The following GTF3C3 variants were observed in gnomAD, a reference collection of about 807,000 sequenced individuals.
GTF3C3 encodes the protein general transcription factor 3C polypeptide 3.
Under a neutral mutation model 105.2 loss-of-function variants are expected in GTF3C3, and 75 were observed. That is an observed-to-expected ratio of 0.71 (90% CI 0.59 to 0.86). The LOEUF is 0.86. Ranked by LOEUF, GTF3C3 falls within the 40% of genes least tolerant of loss-of-function variation. The pLI, the probability that GTF3C3 is intolerant of heterozygous loss-of-function variation, is 0.00. For synonymous variants in GTF3C3, 335 were observed against 370.4 expected, an observed-to-expected ratio of 0.90 and a Z score of 1.10; for missense variants, 856 against 1,076.5, an observed-to-expected ratio of 0.80 and a Z score of 2.87.
chr2:196,768,430 C>T (rs191325886), intron 16 of GTF3C3, among the ~76,000 whole-genome samples: 83 of 151,956 alleles, frequency 5.5e-4, no homozygotes, highest in African/African-American at 1.9e-3. Context: ...ACTGTCTATA[C>T]AATATTAAAT....
At chr2:196,781,342 G>GAAAAAAAAAAAAAAAAAAAAAAAAAA (rs769914255) in intron 8 of GTF3C3, among the ~76,000 whole-genome samples, 1 of 31,454 alleles carries the variant, frequency 3.2e-5, no homozygotes, top group African/African-American at 1.2e-4. Flanking sequence ...ATGTTAAGGG[G>GAAAAAAAAAAAAAAAAAAAAAAAAAA]AAAAAAAAAA....
chr2:196,787,258 CT>C (rs1432112265), intron 6 of GTF3C3, among the ~76,000 whole-genome samples: 1 of 152,134 alleles, frequency 6.6e-6, no homozygotes, highest in East Asian at 1.9e-4. Flanking sequence ...CCTAACTGGT[CT>C]CCATGCTTCT....
At chr2:196,772,873 C>A (rs765639100) in intron 14 of GTF3C3, 43 bp downstream of exon 14, 1 of 981,596 alleles carries the variant, frequency 1.0e-6, no homozygotes, top group Non-Finnish European at 1.5e-6. Context: ...CATGTACTTA[C>A]TCTATTAAAG....
intron 16 of GTF3C3, among the ~76,000 whole-genome samples, chr2:196,768,175 A>G (rs1403451965): frequency 1.3e-5 from 2 of 151,844 alleles, no homozygotes; most frequent in Non-Finnish European, 2.9e-5. Context: ...ACGCCACCAC[A>G]CCTGGCTCAT....
At position 196,776,163 on chromosome 2, in the gene GTF3C3, A is replaced by G; in HGVS notation, c.1594-52T>C. The G allele has an allele frequency of 1.0e-6, 1 of 995,648 alleles. No homozygotes were observed. The highest frequency in any genetic ancestry group is 1.5e-6 in the Non-Finnish European group (1 of 656,810). 61.7% of individuals were successfully genotyped at this position (995,648 alleles called of 1,614,324 possible). Reference sequence around the variant, plus strand: ...GCCTAACAAGATTCCTTTTCTACAAATTGTTTTATTTGCATAGAAACATTT... The same window carrying G: ...GCCTAACAAGATTCCTTTTCTACAAGTTGTTTTATTTGCATAGAAACATTT... On this transcript the variant is annotated intron_variant, in intron 11 of 17. Transcript: ENST00000263956. The surrounding 1 kb of genome is among the most constrained non-coding windows in gnomAD (Gnocchi z 4.5).
At chr2:196,782,574 T>C (rs776274924) in intron 8 of GTF3C3, among the ~76,000 whole-genome samples, 23 of 152,030 alleles carry the variant, frequency 1.5e-4, no homozygotes, top group Non-Finnish European at 2.4e-4. Context: ...AATCAAGTGA[T>C]TCAGGAAAGC....
intron 14 of GTF3C3, 59 bp downstream of exon 14, chr2:196,772,857 A>G: frequency 2.4e-6 from 2 of 843,290 alleles, no homozygotes; most frequent in Admixed American, 2.6e-5. Context: ...CTTCTAAATC[A>G]AAGTACATGT....
rs200069628 is a variant in GTF3C3, at chr2:196,791,464, T to C, written c.412-4A>G. On this transcript the variant is annotated splice_region_variant and splice_polypyrimidine_tract_variant and intron_variant, in intron 3 of 17. Coordinates refer to ENST00000263956, the MANE Select transcript of GTF3C3 (RefSeq NM_012086.5). The stretch of plus-strand genomic sequence containing the variant: ...GTTTACTCCGAGGCCTTTTCTCCTG[T>C]ATGGAAGAAAAATGACATTTAGATT... The C allele has an allele frequency of 1.4e-3, 2,187 of 1,607,688 alleles. 4 individuals are homozygous for C. The highest frequency in any genetic ancestry group is 1.7e-3 in the Non-Finnish European group (1,955 of 1,176,696).
intron 1 of GTF3C3, chr2:196,799,208 A>G (rs1484351266): frequency 1.4e-5 from 4 of 285,802 alleles, no homozygotes; most frequent in Non-Finnish European, 2.7e-5. Flanking sequence ...AACTGACTCC[A>G]AACTCTTCTC....
At position 196,772,936 on chromosome 2, in the gene GTF3C3, T is replaced by C. The variant is rs768372208; in HGVS notation, c.2049A>G (p.Arg683=). 1 of 1,564,222 alleles carries C rather than the reference T, an allele frequency of 6.4e-7. No individual in the cohort carries two copies. The highest frequency in any genetic ancestry group is 8.7e-7 in the Non-Finnish European group (1 of 1,152,486). Residue 683 remains arginine (R), a synonymous_variant, in exon 14 of 18, where the codon AGA becomes AGG. Coordinates refer to ENST00000263956, the MANE Select transcript of GTF3C3 (RefSeq NM_012086.5). ...LSAAILDKNF[R]KAYNYIRIMV... ...ATCACCTGATATAGTTGTATGCCTTTCTGAAATTTTTGTCCAGAATTGCAG... is the reference window on the plus strand; with the variant it reads ...ATCACCTGATATAGTTGTATGCCTTCCTGAAATTTTTGTCCAGAATTGCAG...
rs1699021222 is a variant in GTF3C3 at position 196,764,322 on chromosome 2, T to C, written c.*241A>G. 3.0e-6 allele frequency: 1 copy of C among 335,992 alleles called. No homozygotes were observed. Among genetic ancestry groups the C allele is most frequent in the Non-Finnish European group, 5.4e-6 (1 of 183,960 alleles). The allele number at this position is 335,992 out of a possible 1,614,324, so 20.8% of individuals were successfully genotyped here. ...AAAGGCTTACACGTCCATTTCAACATTGGGAACAATTCACTATAGAATGTG... is the reference window on the plus strand; with the variant it reads ...AAAGGCTTACACGTCCATTTCAACACTGGGAACAATTCACTATAGAATGTG... On this transcript the variant is annotated 3_prime_UTR_variant, in exon 18 of 18. Transcript: ENST00000263956.
In GTF3C3 at chr2:196,776,274, T is replaced by C. The variant is rs7587456; in HGVS notation, c.1593+153A>G. 0.11 allele frequency among the ~76,000 whole-genome samples: 16,076 copies of C among 152,282 alleles called. 1,054 individuals carry two copies. The highest frequency in any genetic ancestry group is 0.19 in the African/African-American group (7,733 of 41,558). Reference sequence around the variant, plus strand: ...AAACTATAATTTGTAACCCAACCAGTGGCTGAAATCCAATACTTAAAATCA... The same window carrying C: ...AAACTATAATTTGTAACCCAACCAGCGGCTGAAATCCAATACTTAAAATCA... On this transcript the variant is annotated intron_variant, in intron 11 of 17. Coordinates refer to ENST00000263956, the MANE Select transcript of GTF3C3 (RefSeq NM_012086.5). This position sits in a 1 kb window ranked among gnomAD's most constrained non-coding sequence, Gnocchi z 4.5.
Position 196,776,832 on chromosome 2 carries a change from T to C in GTF3C3, c.1391-203A>G, listed in dbSNP as rs1256474063. The stretch of plus-strand genomic sequence containing the variant: ...TTAAATTGCTAAGGAGTAATCAGTG[T>C]ATACATATAATTTAGGGTTCTGCTT... On this transcript the variant is annotated intron_variant, in intron 10 of 17. Coordinates refer to ENST00000263956, the MANE Select transcript of GTF3C3 (RefSeq NM_012086.5). This position sits in a 1 kb window ranked among gnomAD's most constrained non-coding sequence, Gnocchi z 4.5. 6.6e-6 allele frequency among the ~76,000 whole-genome samples: 1 copy of C among 152,230 alleles called. No homozygotes were observed. Among genetic ancestry groups the C allele is most frequent in the Non-Finnish European group, 1.5e-5 (1 of 68,038 alleles).
intron 17 of GTF3C3, among the ~76,000 whole-genome samples, chr2:196,766,177 A>G (rs538146534): frequency 2.0e-5 from 3 of 152,156 alleles, no homozygotes; most frequent in Non-Finnish European, 4.4e-5. Context: ...AGTATTGGCA[A>G]CACTTTACCC....
At position 196,771,600 on chromosome 2, in the gene GTF3C3, C is replaced by A. The variant is rs1333803611; in HGVS notation, c.2260+148G>T. The stretch of plus-strand genomic sequence containing the variant: ...ACAAAGTAGGTCCAATTATTATCTC[C>A]ATTTTAGAGATCAAGAAACTGAGGC... On this transcript the variant is annotated intron_variant, in intron 15 of 17. Transcript: ENST00000263956. 3 of 591,668 alleles carry A rather than the reference C, an allele frequency of 5.1e-6. No individual in the cohort carries two copies. The Admixed American group carries it at 8.8e-5, about 17-fold the overall frequency. 36.7% of individuals were successfully genotyped at this position (591,668 alleles called of 1,614,324 possible).
intron 12 of GTF3C3, 141 bp downstream of exon 12, chr2:196,775,869 T>G: frequency 2.0e-6 from 1 of 494,228 alleles, no homozygotes; most frequent in South Asian, 3.8e-5. Context: ...AACCTCTAGC[T>G]TTTTTGTTTT....
rs1052116482 is a variant in GTF3C3, at chr2:196,786,881, T to C, written c.894-1293A>G. 6.6e-5 allele frequency among the ~76,000 whole-genome samples: 10 copies of C among 152,296 alleles called. No homozygotes were observed. The highest frequency in any genetic ancestry group is 2.4e-4 in the African/African-American group (10 of 41,556). ...TACTAAATCTGTCAATTCTCAGTGCTCATTTTACGTGATCTATCTGCAATA... is the reference window on the plus strand; with the variant it reads ...TACTAAATCTGTCAATTCTCAGTGCCCATTTTACGTGATCTATCTGCAATA... On this transcript the variant is annotated intron_variant, in intron 6 of 17. Coordinates refer to ENST00000263956, the MANE Select transcript of GTF3C3 (RefSeq NM_012086.5). The surrounding 1 kb of genome is among the most constrained non-coding windows in gnomAD (Gnocchi z 4.2).
chr2:196,785,858 T>C (rs998055168), intron 6 of GTF3C3, among the ~76,000 whole-genome samples: 1 of 152,102 alleles, frequency 6.6e-6, no homozygotes, highest in South Asian at 2.1e-4. Flanking sequence ...CCAACTCTTC[T>C]ACCTCAACAG....
chr2:196,798,500 G>A (rs560383595), intron 1 of GTF3C3, among the ~76,000 whole-genome samples: 1 of 151,896 alleles, frequency 6.6e-6, no homozygotes, highest in Non-Finnish European at 1.5e-5. Flanking sequence ...CTCCAGCATG[G>A]GTGACAGAGC....
Sources: allele counts gnomAD v4.1 joint callset (sites outside exome capture counted in the v4.1 genomes callset), GRCh38; gene constraint gnomAD v4.1.1; non-coding constraint Gnocchi (gnomAD v3.1); transcripts MANE v1.5; gene names NCBI Gene and HGNC (gene_info 2026-07-23, HGNC 2026-07-21).